The following CASQ2 variants were observed in gnomAD, a reference collection of about 807,000 sequenced individuals.
CASQ2 encodes the protein calsequestrin 2, also known as calsequestrin-2.
A neutral mutation model predicts 46.5 loss-of-function variants in CASQ2; 49 were observed. The observed-to-expected ratio is 1.05, with a 90% CI of 0.84 to 1.34. The LOEUF (loss-of-function observed/expected upper bound fraction) is 1.34. Among genes scored for constraint, CASQ2 ranks in the 40% most tolerant of loss-of-function variants. CASQ2 has a pLI of 0.00. For missense variants in CASQ2, 486 were observed against 481.3 expected (o/e 1.01, Z -0.09); for synonymous variants, 174 against 168.5 (o/e 1.03, Z -0.25).
chr1:115,730,957 G>A (rs1225265229), intron 5 of CASQ2, among the ~76,000 whole-genome samples: 1 of 152,030 alleles, frequency 6.6e-6, no homozygotes, highest in Non-Finnish European at 1.5e-5. Context: ...AACCACTGAG[G>A]CTCTACCAGG....
chr1:115,709,849 T>C (rs560764666), intron 8 of CASQ2, among the ~76,000 whole-genome samples: 55 of 152,294 alleles, frequency 3.6e-4, no homozygotes, highest in African/African-American at 1.3e-3. Flanking sequence ...TTGTTCTTTT[T>C]TGTTTTGTTT....
In CASQ2 at chr1:115,730,379, C is replaced by A. The variant is rs1264581453; in HGVS notation, c.606+2522G>T. ...ACTTTTGAACTTTCTGTCTTTCCAT[C>A]TTCTCTTTCCCACAATAAACTTTAA... On this transcript the variant is annotated intron_variant, in intron 5 of 10. Coordinates refer to ENST00000261448, the MANE Select transcript of CASQ2 (RefSeq NM_001232.4). Among the ~76,000 whole-genome samples the A allele has an allele frequency of 2.6e-5, 4 of 152,278 alleles. No homozygotes were observed. The South Asian group carries it at 6.2e-4, about 24-fold the overall frequency.
chr1:115,755,684 A>G (rs1377960727), intron 1 of CASQ2, among the ~76,000 whole-genome samples: 1 of 152,180 alleles, frequency 6.6e-6, no homozygotes, highest in African/African-American at 2.4e-5. Flanking sequence ...GGAGTTTTCA[A>G]TGTGCTTTCA....
chr1:115,747,686 C>T (rs1271425115), intron 1 of CASQ2, among the ~76,000 whole-genome samples: 1 of 152,184 alleles, frequency 6.6e-6, no homozygotes, highest in African/African-American at 2.4e-5. Context: ...AAGTCTGGCA[C>T]ACATTTTGTT....
chr1:115,725,391 A>T, intron 7 of CASQ2, 117 bp downstream of exon 7: 1 of 1,132,172 alleles, frequency 8.8e-7, no homozygotes, highest in Non-Finnish European at 1.3e-6. Flanking sequence ...ATACTCATCT[A>T]GACATCCACC....
intron 5 of CASQ2, among the ~76,000 whole-genome samples, chr1:115,730,054 C>G (rs891576166): frequency 6.6e-6 from 1 of 152,112 alleles, no homozygotes; most frequent in Non-Finnish European, 1.5e-5. Flanking sequence ...AGAGGTTGGG[C>G]CTTCGTGTGG....
intron 8 of CASQ2, among the ~76,000 whole-genome samples, chr1:115,711,505 G>A (rs1654542354): frequency 6.6e-6 from 1 of 152,064 alleles, no homozygotes; most frequent in Non-Finnish European, 1.5e-5. Flanking sequence ...AGTGTGTAGG[G>A]AGACACATGC....
chr1:115,748,437 G>A (rs1648460297), intron 1 of CASQ2, among the ~76,000 whole-genome samples: 1 of 152,186 alleles, frequency 6.6e-6, no homozygotes, highest in Admixed American at 6.5e-5. Context: ...AGCACCAAGA[G>A]CAGCTCCGAG....
At chr1:115,751,528 C>T (rs1005666834) in intron 1 of CASQ2, among the ~76,000 whole-genome samples, 3 of 152,054 alleles carry the variant, frequency 2.0e-5, no homozygotes, top group East Asian at 1.9e-4. Flanking sequence ...AAGAATTAGC[C>T]GGGCTTGGTG....
At chr1:115,759,370 G>A (rs1347472846) in intron 1 of CASQ2, among the ~76,000 whole-genome samples, 2 of 152,208 alleles carry the variant, frequency 1.3e-5, no homozygotes, top group African/African-American at 2.4e-5. Flanking sequence ...TAGTTTCTGA[G>A]GGAACAGGTT....
At chr1:115,755,477 C>G (rs1217826621) in intron 1 of CASQ2, among the ~76,000 whole-genome samples, 6 of 152,162 alleles carry the variant, frequency 3.9e-5, no homozygotes, top group Non-Finnish European at 5.9e-5. Context: ...GGTGCTTCCT[C>G]TCATGGAGAG....
intron 8 of CASQ2, 38 bp from the exon 9 acceptor site, chr1:115,705,330 C>T (rs373897853): frequency 9.2e-6 from 12 of 1,301,698 alleles, no homozygotes; most frequent in Non-Finnish European, 1.3e-5. Flanking sequence ...AACCCCTGCA[C>T]ATACACAGCT....
chr1:115,751,795 A>G (rs1557802713), intron 1 of CASQ2, among the ~76,000 whole-genome samples: 1 of 152,184 alleles, frequency 6.6e-6, no homozygotes, highest in Non-Finnish European at 1.5e-5. Context: ...TGTGATGAAT[A>G]CTGTGGATTA....
intron 5 of CASQ2, among the ~76,000 whole-genome samples, chr1:115,727,800 C>T (rs1014287684): frequency 6.6e-5 from 10 of 152,124 alleles, no homozygotes; most frequent in African/African-American, 2.4e-4. Context: ...TGGACAGACC[C>T]CAGTAAGCCA....
At chr1:115,705,161 TGAGGGTGGGG>T in intron 9 of CASQ2, 21 bp downstream of exon 9, 1 of 1,368,016 alleles carries the variant, frequency 7.3e-7, no homozygotes, top group East Asian at 2.3e-5. Flanking sequence ...TGACAGCAAC[TGAGGGTGGGG>T]CGCTGGCTGG....
At chr1:115,711,421 G>C (rs1024498402) in intron 8 of CASQ2, among the ~76,000 whole-genome samples, 5 of 152,112 alleles carry the variant, frequency 3.3e-5, no homozygotes. Context: ...CTCTGAAAGT[G>C]GAGAGAACAG....
chr1:115,768,241 CT>C (rs1246563689), intron 1 of CASQ2, 66 bp downstream of exon 1: 1 of 1,047,316 alleles, frequency 9.5e-7, no homozygotes, highest in Non-Finnish European at 1.5e-6. Context: ...ATCCCAACCC[CT>C]GGCCAAAGGC....
Position 115,740,502 on chromosome 1 carries a change from A to T in CASQ2, c.420+226T>A, listed in dbSNP as rs113842982. ...GTATAACTGGTAACAGAATTAGCAT[A>T]TTACTACTACATGGCCCCCAACAGT... On this transcript the variant is annotated intron_variant, in intron 3 of 10. Transcript: ENST00000261448. 9.6e-3 allele frequency among the ~76,000 whole-genome samples: 1,455 copies of T among 152,330 alleles called. 10 individuals are homozygous for T. Among genetic ancestry groups the T allele is most frequent in the Non-Finnish European group, 0.014 (933 of 68,022 alleles).
In CASQ2 at chr1:115,732,941, A is replaced by T; in HGVS notation, c.566T>A (p.Phe189Tyr). The part of the protein sequence containing the change: ...YKAFEEAAEH[F>Y]QPYIKFFATF... ...GGCAAAGAATTTGATGTAAGGCTGG[A>T]AGTGTTCAGCTGCTTCTTCAAAAGC... The change falls in exon 5 of 11, where the codon TTC becomes TAC. Residue 189 changes from phenylalanine to tyrosine, a missense_variant. Phe to Tyr is a conservative substitution (Grantham distance 22, BLOSUM62 3). Coordinates refer to ENST00000261448, the MANE Select transcript of CASQ2 (RefSeq NM_001232.4). 6.2e-7 allele frequency: 1 copy of T among 1,613,962 alleles called. No individual in the cohort carries two copies. Among genetic ancestry groups the T allele is most frequent in the Non-Finnish European group, 8.5e-7 (1 of 1,179,886 alleles).
Sources: allele counts gnomAD v4.1 joint callset (sites outside exome capture counted in the v4.1 genomes callset), GRCh38; gene constraint gnomAD v4.1.1; transcripts MANE v1.5; gene names NCBI Gene and HGNC (gene_info 2026-07-23, HGNC 2026-07-21).